TMEM67: variants seen among roughly 807,000 people sequenced by gnomAD.
TMEM67 encodes the protein meckelin.
Under a neutral mutation model 136.6 loss-of-function variants are expected in TMEM67, and 124 were observed. That is an observed-to-expected ratio of 0.91 (90% CI 0.78 to 1.05). TMEM67 has a LOEUF of 1.05. Ranked by LOEUF, TMEM67 falls within the 50% of genes least tolerant of loss-of-function variation. The pLI, the probability that TMEM67 is intolerant of heterozygous loss-of-function variation, is 0.00. For synonymous variants in TMEM67, 364 were observed against 390.5 expected (o/e 0.93, Z 0.80); for missense variants, 1,107 against 1,178.4 (o/e 0.94, Z 0.89).
intron 4 of TMEM67, 120 bp from the exon 5 acceptor site, chr8:93,765,286 A>G (rs948929337): frequency 1.3e-6 from 1 of 780,278 alleles, no homozygotes; most frequent in East Asian, 2.7e-5. Flanking sequence ...TGTTTAACAT[A>G]TTTACATAAT....
At chr8:93,759,605 A>G (rs991256187) in intron 3 of TMEM67, 1 of 155,340 alleles carries the variant, frequency 6.4e-6, no homozygotes, top group African/African-American at 2.4e-5. Flanking sequence ...AACAAAAAAG[A>G]AAAAATAAGT....
intron 21 of TMEM67, 124 bp downstream of exon 21, chr8:93,799,882 G>T: frequency 1.7e-5 from 11 of 661,042 alleles, no homozygotes; most frequent in Admixed American, 2.4e-5. Flanking sequence ...AAGGTGACAA[G>T]AACAATAGCT....
the TMEM67 span, among the ~76,000 whole-genome samples, chr8:93,825,364 A>C: frequency 9.9e-4 from 151 of 152,338 alleles, no homozygotes; most frequent in African/African-American, 3.1e-3. Context: ...TGACATTGTT[A>C]ATGTAATTTA....
intron 2 of TMEM67, chr8:93,756,503 A>G (rs1812579369): frequency 6.6e-6 from 1 of 152,174 alleles, no homozygotes; most frequent in African/African-American, 2.4e-5. Context: ...GTTTCTTCTC[A>G]TTGTCATATA....
chr8:93,797,197 G>T lies in TMEM67; in HGVS notation c.1924G>T (p.Glu642Ter). 6.2e-7 allele frequency: 1 copy of T among 1,613,442 alleles called. No individual in the cohort carries two copies. The highest frequency in any genetic ancestry group is 1.1e-5 in the South Asian group (1 of 91,050). Reference protein sequence around the residue: ...ITIDVFFIDWERPKGKVLKAV... With the variant: ...ITIDVFFIDW Reference sequence around the variant, plus strand: ...AATAGATGTATTCTTTATTGATTGGGAGCGACCTAAAGGAAAGGTTCTTAA... The same window carrying T: ...AATAGATGTATTCTTTATTGATTGGTAGCGACCTAAAGGAAAGGTTCTTAA... Residue 642 changes from glutamate (E) to a stop codon, truncating the protein, a stop_gained, in exon 19 of 28, where the codon GAG becomes TAG. Coordinates refer to ENST00000453321, the MANE Select transcript of TMEM67 (RefSeq NM_153704.6). LOFTEE classifies it high-confidence loss of function.
intron 3 of TMEM67, among the ~76,000 whole-genome samples, chr8:93,763,473 TCTATGAAAATA>T (rs1812938292): frequency 6.6e-6 from 1 of 152,166 alleles, no homozygotes; most frequent in South Asian, 2.1e-4. Context: ...TTATCAGTAA[TCTATGAAAATA>T]CTTGCTTCCC....
At chr8:93,804,597 AC>A (rs1815042408) in intron 22 of TMEM67, among the ~76,000 whole-genome samples, 164 bp from the exon 23 acceptor site, 1 of 150,610 alleles carries the variant, frequency 6.6e-6, no homozygotes, top group Non-Finnish European at 1.5e-5. Context: ...AAAAAAAAAA[AC>A]ACAAACCTTA....
chr8:93,784,506 G>A (rs1234702782), intron 11 of TMEM67, among the ~76,000 whole-genome samples: 2 of 152,116 alleles, frequency 1.3e-5, no homozygotes, highest in Non-Finnish European at 2.9e-5. Context: ...AGACTAGTGG[G>A]CAAAACAGTT....
At chr8:93,801,400 A>ATTT (rs56967457) in intron 21 of TMEM67, among the ~76,000 whole-genome samples, 3 of 139,684 alleles carry the variant, frequency 2.1e-5, no homozygotes, top group Non-Finnish European at 3.1e-5. Flanking sequence ...ACACCCAGCA[A>ATTT]TTTTTTTTTT....
Position 93,816,749 on chromosome 8 carries a change from A to C in TMEM67, c.*297A>C, listed in dbSNP as rs937761623. On this transcript the variant is annotated 3_prime_UTR_variant, in exon 28 of 28. Transcript: ENST00000453321. Reference sequence around the variant, plus strand: ...ATAATACTTTTTAATGCTAATTAAAACAGTCCCCATCATTTGTCTCTGTAG... The same window carrying C: ...ATAATACTTTTTAATGCTAATTAAACCAGTCCCCATCATTTGTCTCTGTAG... 5.3e-6 allele frequency: 1 copy of C among 188,964 alleles called. No individual in the cohort carries two copies. The highest frequency in any genetic ancestry group is 2.3e-5 in the African/African-American group (1 of 42,890). The allele number at this position is 188,964 out of a possible 1,614,324, so 11.7% of individuals were successfully genotyped here.
chr8:93,823,693 C>T (rs527681945), downstream of TMEM67, among the ~76,000 whole-genome samples: 6 of 152,178 alleles, frequency 3.9e-5, no homozygotes, highest in African/African-American at 1.4e-4. Context: ...CTAGATTGAC[C>T]ATTTGACAGA....
At chr8:93,755,260 T>C in intron 1 of TMEM67, 123 bp downstream of exon 1, 1 of 951,512 alleles carries the variant, frequency 1.1e-6, no homozygotes, top group Non-Finnish European at 1.7e-6. Context: ...CCTCAGGTGA[T>C]CCACCCGCCT....
chr8:93,832,512 A>T, the TMEM67 span, among the ~76,000 whole-genome samples: 1 of 152,076 alleles, frequency 6.6e-6, no homozygotes. Flanking sequence ...TTTTCAAGCA[A>T]AAGAGCAGAC....
downstream of TMEM67, among the ~76,000 whole-genome samples, chr8:93,823,915 CATCA>C (rs1331207165): frequency 1.3e-5 from 2 of 151,770 alleles, no homozygotes; most frequent in Admixed American, 1.3e-4. Flanking sequence ...CTCTCAAAGC[CATCA>C]TTACACACAG....
At chr8:93,785,442 T>C in intron 12 of TMEM67, 64 bp downstream of exon 12, 1 of 1,494,908 alleles carries the variant, frequency 6.7e-7, no homozygotes, top group Non-Finnish European at 9.3e-7. Flanking sequence ...TTAACCTACA[T>C]GATAATTTAA....
intron 21 of TMEM67, among the ~76,000 whole-genome samples, chr8:93,802,947 A>T (rs900481654): frequency 2.0e-5 from 3 of 152,170 alleles, no homozygotes; most frequent in Non-Finnish European, 4.4e-5. Flanking sequence ...GGGACATGAG[A>T]TAGAGAGTAA....
the TMEM67 span, among the ~76,000 whole-genome samples, chr8:93,829,382 C>CTCTCTCTCTG: frequency 1.5e-5 from 2 of 137,504 alleles, no homozygotes; most frequent in African/African-American, 5.8e-5. Context: ...CTCTCTCTCT[C>CTCTCTCTCTG]TGTGTGTGTG....
At chr8:93,755,754 T>C in intron 1 of TMEM67, 24 bp from the exon 2 acceptor site, 1 of 1,029,356 alleles carries the variant, frequency 9.7e-7, no homozygotes. Context: ...AAATTGGCTT[T>C]TTTTTTTTTT....
intron 14 of TMEM67, among the ~76,000 whole-genome samples, chr8:93,788,219 T>C (rs549167385): frequency 1.3e-5 from 2 of 152,318 alleles, no homozygotes; most frequent in African/African-American, 4.8e-5. Context: ...TCCTGGGATA[T>C]GCTGAGATGT....
Sources: allele counts gnomAD v4.1 joint callset (sites outside exome capture counted in the v4.1 genomes callset), GRCh38; gene constraint gnomAD v4.1.1; transcripts MANE v1.5; gene names NCBI Gene and HGNC (gene_info 2026-07-23, HGNC 2026-07-21).